The following RALGAPA2 variants were observed in gnomAD, a reference collection of about 807,000 sequenced individuals.
RALGAPA2 encodes Ral GTPase activating protein catalytic subunit alpha 2.
Under a neutral mutation model 230.4 loss-of-function variants are expected in RALGAPA2, and 139 were observed. The ratio of observed to expected loss-of-function variants is 0.60; its 90% confidence interval spans 0.53 to 0.69. The LOEUF is 0.69. Ranked by LOEUF, RALGAPA2 falls within the 30% of genes least tolerant of loss-of-function variation. The pLI is 0.00. For synonymous variants in RALGAPA2, 847 were observed against 837.8 expected (o/e 1.01, Z -0.19); for missense variants, 2,163 against 2,276.0 (o/e 0.95, Z 1.01).
At chr20:20,648,387 G>A (rs115106326) in intron 4 of RALGAPA2, among the ~76,000 whole-genome samples, 1,591 of 152,016 alleles carry the variant, frequency 0.01, 21 homozygotes, top group African/African-American at 0.034. Flanking sequence ...CAAGGGGGAC[G>A]AGGAAACTTT....
At chr20:20,694,547 G>T (rs887775430) in intron 1 of RALGAPA2, among the ~76,000 whole-genome samples, 2 of 152,150 alleles carry the variant, frequency 1.3e-5, no homozygotes, top group African/African-American at 4.8e-5. Context: ...TCACTCACAG[G>T]CACACAATCT....
intron 37 of RALGAPA2, among the ~76,000 whole-genome samples, chr20:20,417,478 T>C (rs2122823250): frequency 6.6e-6 from 1 of 152,342 alleles, no homozygotes; most frequent in Middle Eastern, 3.4e-3. Context: ...TCCTATTCTA[T>C]GTGTCTCTCA....
At chr20:20,694,115 A>AAAAT (rs137998367) in intron 1 of RALGAPA2, among the ~76,000 whole-genome samples, 1,670 of 152,154 alleles carry the variant, frequency 0.011, 30 homozygotes, top group African/African-American at 0.038. Context: ...AAAAAAATGA[A>AAAAT]AAAATTTCAA....
chr20:20,443,611 G>A (rs961057683), intron 37 of RALGAPA2, among the ~76,000 whole-genome samples: 2 of 152,164 alleles, frequency 1.3e-5, no homozygotes, highest in African/African-American at 2.4e-5. Context: ...TGTGCAAGGC[G>A]TACCACATGA....
intron 1 of RALGAPA2, among the ~76,000 whole-genome samples, chr20:20,703,209 C>T (rs1342609661): frequency 6.6e-6 from 1 of 152,112 alleles, no homozygotes; most frequent in East Asian, 1.9e-4. Flanking sequence ...TTTAAAATAG[C>T]TGTGGCTTCA....
At chr20:20,662,915 C>G (rs2067829464) in intron 3 of RALGAPA2, among the ~76,000 whole-genome samples, 1 of 152,160 alleles carries the variant, frequency 6.6e-6, no homozygotes, top group South Asian at 2.1e-4. Context: ...GCAGACCAAA[C>G]AGCAGCAAAA....
chr20:20,581,894 G>T (rs1273878424), intron 20 of RALGAPA2, among the ~76,000 whole-genome samples: 5 of 151,424 alleles, frequency 3.3e-5, no homozygotes, highest in African/African-American at 1.2e-4. Context: ...AATATTTTTT[G>T]GCATTTTAAT....
intron 6 of RALGAPA2, 141 bp downstream of exon 6, chr20:20,640,560 G>A: frequency 1.3e-6 from 1 of 793,504 alleles, no homozygotes; most frequent in Non-Finnish European, 2.0e-6. Context: ...AGGTATGTAA[G>A]AATCTACAGT....
At chr20:20,445,594 C>T (rs1168354455) in intron 37 of RALGAPA2, among the ~76,000 whole-genome samples, 1 of 152,194 alleles carries the variant, frequency 6.6e-6, no homozygotes, top group Non-Finnish European at 1.5e-5. Context: ...ACCCACCCAC[C>T]CAATTAGGCT....
At chr20:20,679,402 T>G (rs192310360) in intron 2 of RALGAPA2, among the ~76,000 whole-genome samples, 1 of 152,288 alleles carries the variant, frequency 6.6e-6, no homozygotes, top group Admixed American at 6.5e-5. Context: ...GGCATCACCA[T>G]CCCTCAGATG....
intron 1 of RALGAPA2, among the ~76,000 whole-genome samples, chr20:20,693,879 C>T (rs1355404298): frequency 2.0e-5 from 3 of 152,086 alleles, no homozygotes; most frequent in Non-Finnish European, 2.9e-5. Context: ...CTGAGGCCTG[C>T]AGATCACTTG....
chr20:20,591,114 T>C, intron 17 of RALGAPA2, 63 bp downstream of exon 17: 1 of 1,559,668 alleles, frequency 6.4e-7, no homozygotes. Context: ...CAATACTATA[T>C]GCAGCTTTTA....
At chr20:20,517,968 T>C (rs1039985776) in intron 31 of RALGAPA2, among the ~76,000 whole-genome samples, 1 of 152,110 alleles carries the variant, frequency 6.6e-6, no homozygotes, top group Non-Finnish European at 1.5e-5. Flanking sequence ...CAAACCAAGA[T>C]GAAATCTTTG....
At chr20:20,511,447 T>G (rs191161411) in intron 32 of RALGAPA2, 122 bp from the exon 33 acceptor site, 1 of 1,403,376 alleles carries the variant, frequency 7.1e-7, no homozygotes, top group Non-Finnish European at 9.3e-7. Context: ...CACAAAAGAT[T>G]TGTGATAGAA....
chr20:20,560,532 C>T (rs1293476991), intron 23 of RALGAPA2, among the ~76,000 whole-genome samples: 1 of 152,088 alleles, frequency 6.6e-6, no homozygotes, highest in Non-Finnish European at 1.5e-5. Flanking sequence ...GAGATTATTC[C>T]CCACAAGGAG....
rs889635625 is a variant in RALGAPA2, at chr20:20,393,385, C to G, written c.*36-132G>C. The G allele has an allele frequency of 4.1e-5, 22 of 535,210 alleles. No individual in the cohort carries two copies. The African/African-American group carries it at 4.3e-4, about 10-fold the overall frequency. The allele number at this position is 535,210 out of a possible 1,614,324, so 33.2% of individuals were successfully genotyped here. On this transcript the variant is annotated intron_variant, in intron 39 of 39. Transcript: ENST00000202677. ...AGAAGGGTCTGGTGACCTCCTCCCA[C>G]GCTATGCCGGCAAAGATGTTTGTTG... is the stretch of plus-strand genomic sequence containing the variant.
chr20:20,459,939 C>T (rs1294172218), intron 37 of RALGAPA2, among the ~76,000 whole-genome samples: 2 of 152,210 alleles, frequency 1.3e-5, no homozygotes, highest in Non-Finnish European at 2.9e-5. Context: ...GACCACATGC[C>T]TCTCCCAGAG....
At chr20:20,443,773 T>C (rs375515299) in intron 37 of RALGAPA2, among the ~76,000 whole-genome samples, 1 of 152,256 alleles carries the variant, frequency 6.6e-6, no homozygotes, top group African/African-American at 2.4e-5. Context: ...CCACATGAAG[T>C]GCTTAGTACA....
chr20:20,399,244 G>GCC (rs2059781597), intron 38 of RALGAPA2, among the ~76,000 whole-genome samples: 1 of 151,872 alleles, frequency 6.6e-6, no homozygotes, highest in Non-Finnish European at 1.5e-5. Context: ...CTACTTGGGA[G>GCC]GCTGAGGCAG....
Sources: allele counts gnomAD v4.1 joint callset (sites outside exome capture counted in the v4.1 genomes callset), GRCh38; gene constraint gnomAD v4.1.1; transcripts MANE v1.5; gene names NCBI Gene and HGNC (gene_info 2026-07-23, HGNC 2026-07-21).